The following PHACTR2 variants were observed in gnomAD, a reference collection of about 807,000 sequenced individuals.
PHACTR2 encodes the protein chromosome 6 open reading frame 56.
Under a neutral mutation model 76.0 loss-of-function variants are expected in PHACTR2, and 30 were observed. The observed-to-expected ratio is 0.39, with a 90% confidence interval of 0.30 to 0.54. The LOEUF is 0.54. Among genes scored for constraint, PHACTR2 ranks in the 20% least tolerant of loss-of-function variants. PHACTR2 has a pLI of 0.61. For missense variants in PHACTR2, 696 were observed against 781.1 expected (o/e 0.89, Z 1.30); for synonymous variants, 292 against 292.5 (o/e 1.00, Z 0.02).
At chr6:143,744,824 C>G (rs1779020087) in intron 2 of PHACTR2, among the ~76,000 whole-genome samples, 1 of 152,166 alleles carries the variant, frequency 6.6e-6, no homozygotes, top group Non-Finnish European at 1.5e-5. Context: ...AAATACAGGG[C>G]AGTGTTTCCT....
Position 143,775,738 on chromosome 6 carries a change from A to G in PHACTR2, c.1589+1523A>G, listed in dbSNP as rs942306293. On this transcript the variant is annotated intron_variant, in intron 8 of 12. Transcript: ENST00000440869. This position sits in a 1 kb window ranked among gnomAD's most constrained non-coding sequence, Gnocchi z 4.4. The stretch of plus-strand genomic sequence containing the variant: ...ATGTAAATCATTGAATAATATTTGC[A>G]TAAAATAATAATAGTGTTATCATAG... Among the ~76,000 whole-genome samples the G allele has an allele frequency of 6.6e-6, 1 of 152,236 alleles. No homozygotes were observed. Among genetic ancestry groups the G allele is most frequent in the Non-Finnish European group, 1.5e-5 (1 of 68,042 alleles).
At chr6:143,631,425 C>T (rs1006343971) in intron 1 of PHACTR2, among the ~76,000 whole-genome samples, 2 of 152,080 alleles carry the variant, frequency 1.3e-5, no homozygotes, top group African/African-American at 4.8e-5. Flanking sequence ...AACTCATGGC[C>T]TCAGACAATC....
chr6:143,574,905 T>C (rs1775487551), intron 1 of PHACTR2, among the ~76,000 whole-genome samples: 1 of 152,226 alleles, frequency 6.6e-6, no homozygotes, highest in Non-Finnish European at 1.5e-5. Context: ...TACACTCCTT[T>C]ACCCAAAGTA....
intron 1 of PHACTR2, among the ~76,000 whole-genome samples, chr6:143,651,807 A>G (rs1324469281): frequency 3.9e-5 from 6 of 152,048 alleles, no homozygotes; most frequent in Non-Finnish European, 7.4e-5. Context: ...ACACTTACCT[A>G]TGTAACAAAC....
At chr6:143,778,269 G>A (rs776625941) in intron 9 of PHACTR2, among the ~76,000 whole-genome samples, 9 of 152,250 alleles carry the variant, frequency 5.9e-5, no homozygotes, top group South Asian at 2.1e-4. Context: ...CAGGCTTTTC[G>A]AGTTATCTTG....
At chr6:143,719,128 C>T (rs1400689235) in intron 2 of PHACTR2, among the ~76,000 whole-genome samples, 2 of 150,980 alleles carry the variant, frequency 1.3e-5, no homozygotes, top group Non-Finnish European at 3.0e-5. Flanking sequence ...GGTGATCCAC[C>T]TGCCTCGGCC....
At chr6:143,632,049 G>A (rs1166865692) in intron 1 of PHACTR2, among the ~76,000 whole-genome samples, 1 of 152,208 alleles carries the variant, frequency 6.6e-6, no homozygotes, top group Admixed American at 6.5e-5. Flanking sequence ...AAAGAACAAA[G>A]ATGGTTCACC....
Position 143,755,005 on chromosome 6 carries a change from C to T in PHACTR2, c.454+1093C>T, listed in dbSNP as rs576675513. Among the ~76,000 whole-genome samples, 108 of 152,300 alleles carry T rather than the reference C, an allele frequency of 7.1e-4. No homozygotes were observed. The highest frequency in any genetic ancestry group is 1.1e-3 in the Non-Finnish European group (75 of 68,028). ...CTTAAAATCATCCTCTGTGGAAGTT[C>T]ATAACCGTTCATTATTTGCATATAT... On this transcript the variant is annotated intron_variant, in intron 4 of 12. Transcript: ENST00000440869. This position sits in a 1 kb window ranked among gnomAD's most constrained non-coding sequence, Gnocchi z 5.2.
In PHACTR2 at chr6:143,617,691, G is replaced by C. The variant is rs759364203; in HGVS notation, c.13+9369G>C. ...GAGATTTTGTGCTTGGGAATTATCT[G>C]CTTCCAGGTGAGATGTGAGGCTGTG... On this transcript the variant is annotated intron_variant, in intron 1 of 11. Transcript: ENST00000305766. This position sits in a 1 kb window ranked among gnomAD's most constrained non-coding sequence, Gnocchi z 4.8. Among the ~76,000 whole-genome samples, 2 of 152,166 alleles carry C rather than the reference G, an allele frequency of 1.3e-5. No individual in the cohort carries two copies. Among genetic ancestry groups the C allele is most frequent in the Admixed American group, 6.5e-5 (1 of 15,280 alleles).
At chr6:143,542,789 A>G (rs1414628916) in intron 1 of PHACTR2, among the ~76,000 whole-genome samples, 2 of 152,164 alleles carry the variant, frequency 1.3e-5, no homozygotes, top group African/African-American at 4.8e-5. Context: ...CCACCTTTAT[A>G]CAGCAAGACA....
chr6:143,621,521 C>T lies in PHACTR2; in HGVS notation c.13+13199C>T, dbSNP rs1776153868. On this transcript the variant is annotated intron_variant, in intron 1 of 11. Coordinates refer to the PHACTR2 transcript ENST00000305766. The surrounding 1 kb of genome is among the most constrained non-coding windows in gnomAD (Gnocchi z 4.1). ...TTGCATGAGAATCATTAAATTGCAA[C>T]TCTTTCTTATATTTAATCACATTTA... 6.6e-6 allele frequency among the ~76,000 whole-genome samples: 1 copy of T among 152,328 alleles called. No homozygotes were observed. The highest frequency in any genetic ancestry group is 6.5e-5 in the Admixed American group (1 of 15,292).
At position 143,581,325 on chromosome 6, in the gene PHACTR2, A is replaced by C. The variant is rs1397953003; in HGVS notation, c.217+44118A>C. Among the ~76,000 whole-genome samples, 1 of 152,188 alleles carries C rather than the reference A, an allele frequency of 6.6e-6. No homozygotes were observed. Among genetic ancestry groups the C allele is most frequent in the Non-Finnish European group, 1.5e-5 (1 of 68,034 alleles). On this transcript the variant is annotated intron_variant, in intron 1 of 11. Transcript: ENST00000367584. This position sits in a 1 kb window ranked among gnomAD's most constrained non-coding sequence, Gnocchi z 4.5. ...TCAAGTTATCCTCCTGACCGGGCGC[A>C]GTGGTTCATGCCTGTAATCCCAGCA...
chr6:143,786,939 C>T (rs1297167333), intron 10 of PHACTR2, among the ~76,000 whole-genome samples: 1 of 152,132 alleles, frequency 6.6e-6, no homozygotes, highest in African/African-American at 2.4e-5. Flanking sequence ...TCATAAATGT[C>T]AAATAATGAT....
chr6:143,587,190 T>G (rs1775639005), intron 1 of PHACTR2, among the ~76,000 whole-genome samples: 1 of 152,232 alleles, frequency 6.6e-6, no homozygotes, highest in Non-Finnish European at 1.5e-5. Context: ...GATTTATTTC[T>G]AAACAGAACT....
In PHACTR2 at chr6:143,576,129, C is replaced by T. The variant is rs1246698424; in HGVS notation, c.217+38922C>T. On this transcript the variant is annotated intron_variant, in intron 1 of 11. Transcript: ENST00000367584. ...CTTTATCTTGGCTGGAAACTTGGAG[C>T]ATCTGCAAGCTTGGTGTCTTCACAT... 3.3e-5 allele frequency among the ~76,000 whole-genome samples: 5 copies of T among 152,310 alleles called. No individual in the cohort carries two copies. The East Asian group carries it at 9.6e-4, about 29-fold the overall frequency.
chr6:143,723,117 G>C (rs1037433380), intron 2 of PHACTR2, among the ~76,000 whole-genome samples: 1 of 152,110 alleles, frequency 6.6e-6, no homozygotes, highest in Non-Finnish European at 1.5e-5. Flanking sequence ...CACATGTCTT[G>C]TCAGGCTATT....
Position 143,561,787 on chromosome 6 carries a change from TGAGCCAGGGA to T in PHACTR2, c.217+24585_217+24594del, listed in dbSNP as rs1775281179. 6.6e-6 allele frequency: 1 copy of T among 152,284 alleles called. No homozygotes were observed. Among genetic ancestry groups the T allele is most frequent in the African/African-American group, 2.4e-5 (1 of 41,448 alleles). The allele number at this position is 152,284 out of a possible 1,614,324, so 9.4% of individuals were successfully genotyped here. A position where few individuals can be genotyped will look rare whatever the true frequency, so the allele number is the denominator to read the frequency against. ...ACCAGAAGGCCAGTAAGTAAGGCAGTGAGCCAGGGAGAGCTGGGTTATTACTGCTTGTGTG... is the reference window on the plus strand; with the variant it reads ...ACCAGAAGGCCAGTAAGTAAGGCAGTGAGCTGGGTTATTACTGCTTGTGTG... On this transcript the variant is annotated intron_variant, in intron 1 of 11. Coordinates refer to the PHACTR2 transcript ENST00000367584. This position sits in a 1 kb window ranked among gnomAD's most constrained non-coding sequence, Gnocchi z 4.1.
At chr6:143,720,313 G>A (rs1455019118) in intron 2 of PHACTR2, among the ~76,000 whole-genome samples, 1 of 152,088 alleles carries the variant, frequency 6.6e-6, no homozygotes, top group Non-Finnish European at 1.5e-5. Context: ...ACCCAAATAA[G>A]TTAGATACTG....
At chr6:143,737,752 A>G (rs1778852244) in intron 2 of PHACTR2, among the ~76,000 whole-genome samples, 1 of 152,082 alleles carries the variant, frequency 6.6e-6, no homozygotes, top group Admixed American at 6.5e-5. Flanking sequence ...GAAACTACCC[A>G]TTTTCCTATC....
Sources: gnomAD v4.1 joint callset for allele counts (sites outside exome capture counted in the v4.1 genomes callset) on GRCh38, gnomAD v4.1.1 for gene constraint, Gnocchi (gnomAD v3.1) non-coding constraint, MANE v1.5 for transcripts, NCBI Gene and HGNC (gene_info 2026-07-23, HGNC 2026-07-21) for gene names.